CDC123: variants seen among roughly 807,000 people sequenced by gnomAD.
The protein encoded by CDC123 is cell division cycle 123.
A neutral mutation model predicts 54.4 loss-of-function variants in CDC123; 37 were observed. That is an observed-to-expected ratio of 0.68 (90% CI 0.52 to 0.89). CDC123 has a LOEUF of 0.89. CDC123 is among the 40% of genes least tolerant of loss of function. CDC123 has a pLI of 0.00. For missense variants in CDC123, 361 were observed against 412.1 expected, an observed-to-expected ratio of 0.88 and a Z score of 1.07; for synonymous variants, 144 against 136.8, an observed-to-expected ratio of 1.05 and a Z score of -0.37.
chr10:12,242,583 T>C (rs1337126938), intron 10 of CDC123, among the ~76,000 whole-genome samples: 2 of 152,212 alleles, frequency 1.3e-5, no homozygotes, highest in African/African-American at 4.8e-5. Flanking sequence ...GACTGCTCTT[T>C]GCTTATTGGA....
chr10:12,236,495 A>C (rs150544349), intron 8 of CDC123, among the ~76,000 whole-genome samples: 20 of 152,034 alleles, frequency 1.3e-4, no homozygotes, highest in Admixed American at 2.6e-4. Context: ...GCTACTCGGG[A>C]GACTGAGGTG....
intron 10 of CDC123, among the ~76,000 whole-genome samples, chr10:12,241,983 C>G (rs553057325): frequency 6.6e-6 from 1 of 152,170 alleles, no homozygotes; most frequent in East Asian, 1.9e-4. Context: ...TTTCTGGCCC[C>G]GGGGGATTTC....
At chr10:12,216,956 A>G (rs1564435881) in intron 5 of CDC123, among the ~76,000 whole-genome samples, 2 of 152,006 alleles carry the variant, frequency 1.3e-5, no homozygotes, top group African/African-American at 4.8e-5. Flanking sequence ...TTTGGCTGCC[A>G]CTCCCCAGAA....
intron 2 of CDC123, among the ~76,000 whole-genome samples, chr10:12,202,513 C>T (rs899159225): frequency 1.3e-5 from 2 of 152,088 alleles, no homozygotes; most frequent in African/African-American, 4.8e-5. Flanking sequence ...ACACTGTCTA[C>T]CTGGAGGAGC....
At chr10:12,219,900 G>A (rs906344720) in intron 6 of CDC123, among the ~76,000 whole-genome samples, 4 of 152,168 alleles carry the variant, frequency 2.6e-5, no homozygotes, top group African/African-American at 9.7e-5. Flanking sequence ...ACGTTAGCCA[G>A]GATGGTCTCC....
At chr10:12,231,518 A>G (rs892410082) in intron 7 of CDC123, among the ~76,000 whole-genome samples, 1 of 151,110 alleles carries the variant, frequency 6.6e-6, no homozygotes, top group African/African-American at 2.4e-5. Context: ...CCAGCTACTC[A>G]GGAGATTGAG....
At chr10:12,235,211 T>C (rs1196417501) in intron 8 of CDC123, 88 bp downstream of exon 8, 2 of 1,088,032 alleles carry the variant, frequency 1.8e-6, no homozygotes, top group African/African-American at 3.1e-5. Flanking sequence ...TTCCAGTAAT[T>C]AGGACAGGGA....
intron 2 of CDC123, among the ~76,000 whole-genome samples, chr10:12,202,340 C>A (rs1318819883): frequency 6.6e-6 from 1 of 152,124 alleles, no homozygotes; most frequent in Non-Finnish European, 1.5e-5. Flanking sequence ...TCTTTTATGT[C>A]TGTGTAAGTG....
chr10:12,198,629 A>G (rs1276557205), intron 1 of CDC123, 76 bp from the exon 2 acceptor site: 5 of 792,130 alleles, frequency 6.3e-6, no homozygotes, highest in Non-Finnish European at 8.7e-6. Context: ...TCCAAAATTA[A>G]TCAAGTGTAG....
chr10:12,202,905 C>T (rs559053234), intron 2 of CDC123, among the ~76,000 whole-genome samples: 1 of 152,316 alleles, frequency 6.6e-6, no homozygotes, highest in South Asian at 2.1e-4. Flanking sequence ...ATCCCAGCTA[C>T]TCAGGAAGCT....
At chr10:12,214,950 G>T (rs1252633824) in intron 4 of CDC123, among the ~76,000 whole-genome samples, 1 of 151,330 alleles carries the variant, frequency 6.6e-6, no homozygotes, top group Non-Finnish European at 1.5e-5. Flanking sequence ...GTCTCTTGAG[G>T]GCCCTACTTC....
chr10:12,231,798 A>G (rs752017390), intron 7 of CDC123, among the ~76,000 whole-genome samples: 52 of 152,186 alleles, frequency 3.4e-4, no homozygotes, highest in Admixed American at 9.2e-4. Flanking sequence ...CTTAGCTACA[A>G]CTAACTGCTC....
At chr10:12,217,262 C>T in intron 5 of CDC123, 99 bp from the exon 6 acceptor site, 1 of 1,165,242 alleles carries the variant, frequency 8.6e-7, no homozygotes. Context: ...CTTCCTTAAA[C>T]CCTTGAAGTG....
At chr10:12,233,464 A>T (rs1835931526) in intron 7 of CDC123, among the ~76,000 whole-genome samples, 1 of 152,228 alleles carries the variant, frequency 6.6e-6, no homozygotes, top group Admixed American at 6.5e-5. Flanking sequence ...TGTTTTGTGA[A>T]AATCAACCAC....
intron 6 of CDC123, among the ~76,000 whole-genome samples, chr10:12,230,699 A>G (rs1835888533): frequency 6.6e-6 from 1 of 152,234 alleles, no homozygotes; most frequent in Non-Finnish European, 1.5e-5. Flanking sequence ...AGCTATAGAA[A>G]TGATCCTGGA....
intron 2 of CDC123, among the ~76,000 whole-genome samples, chr10:12,203,141 G>A (rs1835465489): frequency 1.3e-5 from 2 of 152,200 alleles, no homozygotes; most frequent in Non-Finnish European, 1.5e-5. Context: ...CCTTCCAGAA[G>A]CTCCATGTGT....
At position 12,249,697 on chromosome 10, in the gene CDC123, G is replaced by A. The variant is rs200194767; in HGVS notation, c.963G>A (p.Lys321=). ...TCTCTACTGGGGAGGACGCTCACAA[G>A]CTAATAGACTTCCTTAAGCTGGTAA... ...VDLSTGEDAH[K]LIDFLKLKRN... is the part of the protein sequence containing the mutation. Residue 321 remains lysine, a synonymous_variant, in exon 12 of 13, where the codon AAG becomes AAA. Transcript: ENST00000281141. 65 of 1,612,056 alleles carry A rather than the reference G, an allele frequency of 4.0e-5. No homozygotes were observed. The African/African-American group carries it at 7.7e-4, about 19-fold the overall frequency.
intron 10 of CDC123, among the ~76,000 whole-genome samples, chr10:12,244,373 C>T (rs981813695): frequency 6.6e-6 from 1 of 152,244 alleles, no homozygotes; most frequent in African/African-American, 2.4e-5. Flanking sequence ...ATAAACCTTT[C>T]GAGGAAACAT....
At chr10:12,245,635 T>A (rs1464164516) in intron 10 of CDC123, 1 of 151,712 alleles carries the variant, frequency 6.6e-6, no homozygotes, top group Non-Finnish European at 1.5e-5. Context: ...AGAGCTTTAC[T>A]GGGTCCCTTC....
Sources: allele counts gnomAD v4.1 joint callset (sites outside exome capture counted in the v4.1 genomes callset), GRCh38; gene constraint gnomAD v4.1.1; transcripts MANE v1.5; gene names NCBI Gene and HGNC (gene_info 2026-07-23, HGNC 2026-07-21).